DIAPH2: variants seen among roughly 807,000 people sequenced by gnomAD.
The protein encoded by DIAPH2 is protein diaphanous homolog 2.
In DIAPH2, 35 loss-of-function variants were observed where a neutral mutation model predicts 92.7. That is an observed-to-expected ratio of 0.38 (90% CI 0.29 to 0.50). DIAPH2 has a LOEUF of 0.50. DIAPH2 is among the 20% of genes least tolerant of loss of function. DIAPH2 has a pLI of 0.94. For synonymous variants in DIAPH2, 301 were observed against 280.4 expected, an observed-to-expected ratio of 1.07 and a Z score of -0.73; for missense variants, 701 against 819.5, an observed-to-expected ratio of 0.86 and a Z score of 1.77.
chrX:96,992,765 G>T (rs779320437), intron 17 of DIAPH2, among the ~76,000 whole-genome samples: 8 of 112,317 alleles, frequency 7.1e-5, no homozygotes, highest in Non-Finnish European at 1.3e-4. Context: ...ATGGGGTGAT[G>T]ATATGACTAA....
chrX:96,928,441 TG>T, intron 9 of DIAPH2, among the ~76,000 whole-genome samples: 1 of 111,525 alleles, frequency 9.0e-6, no homozygotes, highest in Admixed American at 9.6e-5. Flanking sequence ...AATTTAATTT[TG>T]TATTTGTAAA....
intron 1 of DIAPH2, among the ~76,000 whole-genome samples, chrX:96,689,605 C>T (rs1307534934): frequency 1.8e-5 from 2 of 110,249 alleles, no homozygotes; most frequent in Admixed American, 2.0e-4. Context: ...TGAACATCCC[C>T]ACCAAATCTG....
intron 24 of DIAPH2, among the ~76,000 whole-genome samples, chrX:97,383,328 A>G: frequency 9.0e-6 from 1 of 111,115 alleles, no homozygotes; most frequent in Middle Eastern, 4.7e-3. Context: ...CATCGCCATC[A>G]TAGACTAAAA....
intron 22 of DIAPH2, among the ~76,000 whole-genome samples, chrX:97,212,284 G>T (rs1054956801): frequency 9.0e-6 from 1 of 111,309 alleles, no homozygotes; most frequent in Non-Finnish European, 1.9e-5. Context: ...AAAATGACTG[G>T]GCAATGAGAC....
chrX:97,160,220 C>G (rs2067358517), intron 22 of DIAPH2, among the ~76,000 whole-genome samples: 1 of 111,611 alleles, frequency 9.0e-6, no homozygotes, highest in South Asian at 3.8e-4. Flanking sequence ...TCCACCAGAC[C>G]AGCTTGATTC....
chrX:97,123,745 G>A (rs1321232281), intron 21 of DIAPH2, among the ~76,000 whole-genome samples: 2 of 112,299 alleles, frequency 1.8e-5, no homozygotes, highest in Non-Finnish European at 3.8e-5. Context: ...TCTTTAAAAT[G>A]CAGCCCTCTA....
rs1329638062 is a variant in DIAPH2, at chrX:96,866,249, TC to T, written c.448-15328del. On this transcript the variant is annotated intron_variant, in intron 4 of 26. Transcript: ENST00000324765. ...AATGCTTAGGATCATGCCTCGTTCC[TC>T]CTAGAATTTCTTATTATATTCCTTG... Among the ~76,000 whole-genome samples, 3 of 111,969 alleles carry T rather than the reference TC, an allele frequency of 2.7e-5. No homozygotes were observed. In the East Asian group the frequency reaches 8.4e-4, roughly 31 times the overall value.
chrX:97,321,840 C>G (rs565884840), intron 23 of DIAPH2, among the ~76,000 whole-genome samples: 1 of 111,535 alleles, frequency 9.0e-6, no homozygotes, highest in African/African-American at 3.3e-5. Context: ...TGAGCCACCG[C>G]GCCCGGCCAT....
intron 1 of DIAPH2, among the ~76,000 whole-genome samples, chrX:96,706,575 A>G (rs998029579): frequency 5.4e-5 from 6 of 111,903 alleles, no homozygotes; most frequent in Admixed American, 3.8e-4. Flanking sequence ...GTTGGGAGAG[A>G]TGAAAGTAGG....
rs373992001 is a variant in DIAPH2, at chrX:96,850,355, G to A, written c.448-31224G>A. Among the ~76,000 whole-genome samples the A allele has an allele frequency of 9.0e-4, 101 of 112,079 alleles. No homozygotes were observed. In the South Asian group the frequency reaches 0.037, roughly 41 times the overall value. ...TACTATGTGGCAAACATTGTTCTAA[G>A]TGTCTTATGTGTCTTAATTCACTTG... is the stretch of plus-strand genomic sequence containing the variant. On this transcript the variant is annotated intron_variant, in intron 4 of 26. Coordinates refer to ENST00000324765, the MANE Select transcript of DIAPH2 (RefSeq NM_006729.5).
At chrX:97,451,065 T>C (rs1193418939) in intron 26 of DIAPH2, among the ~76,000 whole-genome samples, 1 of 111,350 alleles carries the variant, frequency 9.0e-6, no homozygotes, top group Non-Finnish European at 1.9e-5. Context: ...AGTTAATCCT[T>C]AAGTTAATCA....
In DIAPH2 at chrX:97,247,717, T is replaced by G; in HGVS notation, c.2722T>G (p.Ser908Ala). The change falls in exon 23 of 27, where the codon TCA (serine) becomes GCA (alanine). Residue 908 changes from serine (S) to alanine (A), a missense_variant and splice_region_variant. Around this residue, in one of 3 missense-constraint regions of DIAPH2, gnomAD observed 536 missense variants for 599.3 expected, o/e 0.89. Coordinates refer to ENST00000324765, the MANE Select transcript of DIAPH2 (RefSeq NM_006729.5). ...ATCCTTTGCACACTGTTCTTTAGTT[T>G]CAGCTCAAATTCTCAAGAGCAACCT... ...LEHVESASKVSAQILKSNLAS... is the reference protein window; with the variant it reads ...LEHVESASKVAAQILKSNLAS... The G allele has an allele frequency of 8.3e-7, 1 of 1,204,233 alleles. No homozygotes were observed.
At chrX:96,756,911 C>CTTTTTTT (rs1172916942) in intron 3 of DIAPH2, among the ~76,000 whole-genome samples, 17 of 58,798 alleles carry the variant, frequency 2.9e-4, no homozygotes, top group African/African-American at 3.4e-4. Context: ...ATTTATATAT[C>CTTTTTTT]TTTTTTTTTT....
intron 26 of DIAPH2, among the ~76,000 whole-genome samples, chrX:97,526,462 C>CAA (rs397896895): frequency 1.7e-5 from 1 of 58,856 alleles, no homozygotes; most frequent in Non-Finnish European, 3.5e-5. Context: ...GAAGGAATGC[C>CAA]AAAAAAAAAA....
chrX:97,280,257 G>A (rs970639495), intron 23 of DIAPH2, among the ~76,000 whole-genome samples: 13 of 110,125 alleles, frequency 1.2e-4, no homozygotes, highest in African/African-American at 4.3e-4. Flanking sequence ...GGTGGATCAC[G>A]AGGTCAGGAG....
chrX:96,856,313 C>G (rs901480600), intron 4 of DIAPH2, among the ~76,000 whole-genome samples: 2 of 111,072 alleles, frequency 1.8e-5, no homozygotes, highest in Non-Finnish European at 3.8e-5. Flanking sequence ...TAACTGTATG[C>G]TGGGGCCCTC....
intron 22 of DIAPH2, among the ~76,000 whole-genome samples, chrX:97,164,509 A>G (rs1272787346): frequency 8.9e-6 from 1 of 112,239 alleles, no homozygotes; most frequent in Non-Finnish European, 1.9e-5. Flanking sequence ...GAATTGCCTT[A>G]GGTAAACTGA....
intron 22 of DIAPH2, among the ~76,000 whole-genome samples, chrX:97,153,262 G>C (rs185920848): frequency 2.0e-4 from 22 of 111,489 alleles, no homozygotes; most frequent in East Asian, 2.0e-3. Context: ...ATTTTGATTA[G>C]ATTTTGTTTA....
chrX:97,531,301 T>G (rs1276790815), intron 26 of DIAPH2, among the ~76,000 whole-genome samples: 1 of 111,482 alleles, frequency 9.0e-6, no homozygotes, highest in Admixed American at 9.6e-5. Flanking sequence ...ACATTATTTT[T>G]CTTTATTCTT....
Sources: allele counts gnomAD v4.1 joint callset (sites outside exome capture counted in the v4.1 genomes callset), GRCh38; gene constraint gnomAD v4.1.1; regional missense constraint gnomAD v4.1.1; transcripts MANE v1.5; gene names NCBI Gene and HGNC (gene_info 2026-07-23, HGNC 2026-07-21).